KDM3B: variants seen among roughly 807,000 people sequenced by gnomAD.
KDM3B encodes lysine-specific demethylase 3B.
In KDM3B, 10 loss-of-function variants were observed where a neutral mutation model predicts 170.0. The ratio of observed to expected loss-of-function variants is 0.06; its 90% CI spans 0.04 to 0.10. KDM3B has a LOEUF of 0.10. Among genes scored for constraint, KDM3B ranks in the 10% least tolerant of loss-of-function variants. The pLI is 1.00. For synonymous variants in KDM3B, 831 were observed against 834.8 expected, an observed-to-expected ratio of 1.00 and a Z score of 0.08; for missense variants, 1,394 against 2,195.2, an observed-to-expected ratio of 0.64 and a Z score of 7.29.
chr5:138,416,588 C>CA (rs545925296), intron 12 of KDM3B, among the ~76,000 whole-genome samples: 888 of 83,942 alleles, frequency 0.011, 9 homozygotes, highest in African/African-American at 0.024. Context: ...GACTCTGTCT[C>CA]AAAAAAAAAA....
chr5:138,369,653 C>T (rs1281694539), intron 1 of KDM3B, among the ~76,000 whole-genome samples: 5 of 152,166 alleles, frequency 3.3e-5, no homozygotes, highest in Non-Finnish European at 7.3e-5. Flanking sequence ...AGGTCCTGAC[C>T]ATCCCAGAGC....
chr5:138,393,827 C>T (rs906006296), intron 9 of KDM3B, among the ~76,000 whole-genome samples: 3 of 152,052 alleles, frequency 2.0e-5, no homozygotes, highest in South Asian at 2.1e-4. Flanking sequence ...GTGGGAATAT[C>T]GTCTGCTTTT....
intron 1 of KDM3B, among the ~76,000 whole-genome samples, chr5:138,365,350 G>A (rs772978430): frequency 3.9e-5 from 6 of 151,900 alleles, no homozygotes; most frequent in Non-Finnish European, 7.4e-5. Flanking sequence ...CTCTGCCTCC[G>A]GGGTTCAAGC....
At chr5:138,369,378 C>T (rs1057330618) in intron 1 of KDM3B, among the ~76,000 whole-genome samples, 8 of 152,194 alleles carry the variant, frequency 5.3e-5, no homozygotes, top group Non-Finnish European at 1.2e-4. Context: ...TGTGATAGGG[C>T]TCTTGGATTC....
chr5:138,402,652 C>T (rs892912039), intron 11 of KDM3B, among the ~76,000 whole-genome samples: 1 of 152,192 alleles, frequency 6.6e-6, no homozygotes, highest in African/African-American at 2.4e-5. Context: ...GAATTGCCCT[C>T]CTGCCATAAA....
intron 1 of KDM3B, among the ~76,000 whole-genome samples, chr5:138,353,523 G>A (rs10045383): frequency 0.3 from 45,519 of 152,086 alleles, 7,625 homozygotes; most frequent in South Asian, 0.43. Flanking sequence ...CCTCATCTGA[G>A]CTGGGCTCGG....
rs1255728697 is a variant in KDM3B at position 138,391,292 on chromosome 5, C to T, written c.1660C>T (p.Arg554Trp). 1 of 1,614,118 alleles carries T rather than the reference C, an allele frequency of 6.2e-7. No individual in the cohort carries two copies. The change falls in exon 8 of 24, where the codon CGG becomes TGG. Residue 554 changes from arginine to tryptophan, a missense_variant. Arg to Trp is a moderately radical substitution (Grantham distance 101, BLOSUM62 -3). Around this residue, in one of 19 missense-constraint regions of KDM3B, gnomAD observed 294 missense variants for 311.7 expected, o/e 0.94. Transcript: ENST00000314358. This position sits in a 1 kb window ranked among gnomAD's most constrained non-coding sequence, Gnocchi z 5.0. ...SESLADDSSS[R>W]DSFKQSLESL... ...GAGTTTGGCTGATGATTCTTCTAGT[C>T]GGGACTCATTCAAACAAAGCCTTGA...
At position 138,391,151 on chromosome 5, in the gene KDM3B, T is replaced by C; in HGVS notation, c.1519T>C (p.Phe507Leu). 1 of 1,614,172 alleles carries C rather than the reference T, an allele frequency of 6.2e-7. No homozygotes were observed. The highest frequency in any genetic ancestry group is 1.1e-5 in the South Asian group (1 of 91,090). The part of the protein sequence containing the change: ...ATENKPLGFS[F>L]GCSSAQEAQK... ...AGAGAACAAACCTTTGGGCTTCTCT[T>C]TTGGCTGTAGCTCTGCACAAGAGGC... is the stretch of plus-strand genomic sequence containing the variant. Residue 507 changes from phenylalanine (F) to leucine (L), a missense_variant, in exon 8 of 24, where the codon TTT becomes CTT. Around this residue, in one of 19 missense-constraint regions of KDM3B, gnomAD observed 294 missense variants for 311.7 expected, o/e 0.94. Coordinates refer to ENST00000314358, the MANE Select transcript of KDM3B (RefSeq NM_016604.4). This position sits in a 1 kb window ranked among gnomAD's most constrained non-coding sequence, Gnocchi z 5.0.
chr5:138,374,516 C>T (rs1761949402), intron 2 of KDM3B, among the ~76,000 whole-genome samples: 1 of 152,188 alleles, frequency 6.6e-6, no homozygotes, highest in Non-Finnish European at 1.5e-5. Flanking sequence ...CCTCGGCCTC[C>T]CAAAGTGCTG....
chr5:138,415,699 C>T (rs1763085367), intron 12 of KDM3B, among the ~76,000 whole-genome samples: 1 of 152,002 alleles, frequency 6.6e-6, no homozygotes, highest in Non-Finnish European at 1.5e-5. Context: ...ACCCTCCCAC[C>T]TCGGCCTCCC....
At position 138,386,517 on chromosome 5, in the gene KDM3B, A is replaced by G. The variant is rs776754279; in HGVS notation, c.1276A>G (p.Thr426Ala). The G allele has an allele frequency of 3.1e-6, 5 of 1,614,046 alleles. No individual in the cohort carries two copies. The African/African-American group carries it at 4.0e-5, about 13-fold the overall frequency. ...GIVASAAVVT[T>A]ASSTPNTVRI... The stretch of plus-strand genomic sequence containing the variant: ...AGTGGCTTCCGCAGCTGTGGTCACT[A>G]CCGCCAGCTCCACCCCAAACACAGT... The change falls in exon 7 of 24, where the codon ACC becomes GCC. Residue 426 changes from threonine (T) to alanine (A), a missense_variant. By Grantham distance (58) the Thr-to-Ala change is moderately conservative (BLOSUM62 0). Transcript: ENST00000314358.
Position 138,359,569 on chromosome 5 carries a change from A to G in KDM3B, c.192+6582A>G, listed in dbSNP as rs975091116. On this transcript the variant is annotated intron_variant, in intron 1 of 23. Coordinates refer to ENST00000314358, the MANE Select transcript of KDM3B (RefSeq NM_016604.4). ...TGATCCACTCAGCTCGGCCTCCCAAAGTGCTTGGATTACAGGCATGAGCCA... is the reference window on the plus strand; with the variant it reads ...TGATCCACTCAGCTCGGCCTCCCAAGGTGCTTGGATTACAGGCATGAGCCA... Among the ~76,000 whole-genome samples the G allele has an allele frequency of 6.0e-5, 9 of 150,842 alleles. 1 individual carries two copies. The highest frequency in any genetic ancestry group is 6.3e-3 in the Middle Eastern group (2 of 316).
intron 1 of KDM3B, among the ~76,000 whole-genome samples, chr5:138,368,015 A>G (rs968246942): frequency 1.5e-5 from 2 of 133,136 alleles, no homozygotes; most frequent in Admixed American, 1.5e-4. Flanking sequence ...TCCATCTCAA[A>G]AAGAAAAAAA....
At chr5:138,363,880 T>C (rs183881379) in intron 1 of KDM3B, among the ~76,000 whole-genome samples, 1 of 152,090 alleles carries the variant, frequency 6.6e-6, no homozygotes, top group East Asian at 1.9e-4. Context: ...TTTTGCTTTT[T>C]CATTTAATGT....
rs1371595215 is a variant in KDM3B at position 138,436,875 on chromosome 5, G to A, written c.*1175G>A. 6.6e-6 allele frequency: 1 copy of A among 150,804 alleles called. No homozygotes were observed. The highest frequency in any genetic ancestry group is 1.5e-5 in the Non-Finnish European group (1 of 67,840). The allele number at this position is 150,804 out of a possible 1,614,324, so 9.3% of individuals were successfully genotyped here. A position where few individuals can be genotyped will look rare whatever the true frequency, so the allele number is the denominator to read the frequency against. On this transcript the variant is annotated 3_prime_UTR_variant, in exon 24 of 24. Transcript: ENST00000314358. Reference sequence around the variant, plus strand: ...CTCTCCAGCTGTACTGTAGTGCCCTGCAGGCTGTTTATATGTTCACAGTTA... The same window carrying A: ...CTCTCCAGCTGTACTGTAGTGCCCTACAGGCTGTTTATATGTTCACAGTTA...
chr5:138,420,629 G>A (rs1763248765), intron 14 of KDM3B, 77 bp from the exon 15 acceptor site: 1 of 1,483,952 alleles, frequency 6.7e-7, no homozygotes, highest in Non-Finnish European at 9.3e-7. Context: ...CTTCCCATGT[G>A]ACTGATTTTT....
intron 23 of KDM3B, among the ~76,000 whole-genome samples, chr5:138,433,553 A>G (rs910996891): frequency 6.7e-6 from 1 of 150,234 alleles, no homozygotes; most frequent in Non-Finnish European, 1.5e-5. Flanking sequence ...GATTGCAGGC[A>G]TGCACCACCA....
Position 138,415,135 on chromosome 5 carries a change from C to A in KDM3B, c.3203C>A (p.Thr1068Lys). 1 of 1,587,320 alleles carries A rather than the reference C, an allele frequency of 6.3e-7. No homozygotes were observed. Among genetic ancestry groups the A allele is most frequent in the Non-Finnish European group, 8.6e-7 (1 of 1,160,118 alleles). Residue 1068 changes from threonine (T) to lysine (K), a missense_variant, in exon 12 of 24, where the codon ACA becomes AAA. By Grantham distance (78) the Thr-to-Lys change is moderately conservative. Transcript: ENST00000314358. ...RLRKSRPRSE[T>K]EEMGDEEVFS... ...AGTGAAATCATTTCTATTTCAGAGA[C>A]AGAAGAGATGGGTGATGAAGAAGTT...
chr5:138,418,764 A>G (rs1456648304), intron 13 of KDM3B, among the ~76,000 whole-genome samples, 189 bp from the exon 14 acceptor site: 1 of 152,244 alleles, frequency 6.6e-6, no homozygotes, highest in Non-Finnish European at 1.5e-5. Flanking sequence ...ATCTTTCCAC[A>G]GAAGCTAGCC....
Sources: allele counts gnomAD v4.1 joint callset (sites outside exome capture counted in the v4.1 genomes callset), GRCh38; gene constraint gnomAD v4.1.1; regional missense constraint gnomAD v4.1.1; non-coding constraint Gnocchi (gnomAD v3.1); transcripts MANE v1.5; gene names NCBI Gene and HGNC (gene_info 2026-07-23, HGNC 2026-07-21).